Variants in DAW1 observed in about 807,000 individuals in gnomAD.
The protein encoded by DAW1 is dynein assembly factor with WD repeats 1, also known as dynein assembly factor with WD repeat domains 1.
In DAW1, 47 loss-of-function variants were observed where a neutral mutation model predicts 56.5. The ratio of observed to expected loss-of-function variants is 0.83; its 90% CI spans 0.66 to 1.06. The LOEUF is 1.06. DAW1 is among the 50% of genes least tolerant of loss of function. The pLI is 0.00. For synonymous variants in DAW1, 190 were observed against 179.0 expected, an observed-to-expected ratio of 1.06 and a Z score of -0.49; for missense variants, 505 against 499.3, an observed-to-expected ratio of 1.01 and a Z score of -0.11.
At chr2:227,905,895 C>G (rs1691666611) in intron 8 of DAW1, among the ~76,000 whole-genome samples, 1 of 152,108 alleles carries the variant, frequency 6.6e-6, no homozygotes, top group African/African-American at 2.4e-5. Flanking sequence ...GCAGGGACTA[C>G]AGGCGCCCAC....
intron 10 of DAW1, among the ~76,000 whole-genome samples, chr2:227,911,905 T>C (rs773024325): frequency 2.0e-5 from 3 of 152,192 alleles, no homozygotes; most frequent in Non-Finnish European, 4.4e-5. Context: ...ATCATCTCCC[T>C]GATGACCACA....
chr2:227,880,295 A>G (rs999410153), intron 1 of DAW1, among the ~76,000 whole-genome samples: 2 of 151,184 alleles, frequency 1.3e-5, no homozygotes, highest in Admixed American at 6.6e-5. Context: ...TTTTTATAGC[A>G]TGTGGCATAC....
At chr2:227,921,680 C>A in intron 12 of DAW1, 119 bp downstream of exon 12, 1 of 1,069,736 alleles carries the variant, frequency 9.3e-7, no homozygotes, top group Non-Finnish European at 1.3e-6. Flanking sequence ...GTCACTAGCT[C>A]ATCTTGGCCT....
chr2:227,884,413 G>C (rs1476106233), intron 1 of DAW1, among the ~76,000 whole-genome samples: 3 of 152,052 alleles, frequency 2.0e-5, no homozygotes, highest in Non-Finnish European at 4.4e-5. Flanking sequence ...GATTATTACG[G>C]GGATCCTTGA....
intron 1 of DAW1, among the ~76,000 whole-genome samples, chr2:227,875,141 T>G (rs568751198): frequency 1.3e-5 from 2 of 152,306 alleles, no homozygotes; most frequent in East Asian, 3.9e-4. Flanking sequence ...CACTTACTCA[T>G]GCCAAACATT....
At chr2:227,893,186 C>A (rs112376240) in intron 4 of DAW1, among the ~76,000 whole-genome samples, 19,227 of 148,666 alleles carry the variant, frequency 0.13, 2,009 homozygotes, top group African/African-American at 0.29. Flanking sequence ...AGGATAATCG[C>A]TTGAACCCCG....
rs140536617 is a variant in DAW1 at position 227,911,807 on chromosome 2, G to A, written c.973+4555G>A. On this transcript the variant is annotated intron_variant, in intron 10 of 12. Transcript: ENST00000309931. ...ACTACCACATATGATGCTGTATAAC[G>A]TATGTGTTATATCCCTGATATCCAC... Among the ~76,000 whole-genome samples the A allele has an allele frequency of 2.7e-3, 412 of 152,132 alleles. 2 individuals carry two copies. The highest frequency in any genetic ancestry group is 9.3e-3 in the African/African-American group (384 of 41,486).
At chr2:227,887,005 C>A (rs1442985191) in intron 2 of DAW1, among the ~76,000 whole-genome samples, 1 of 152,148 alleles carries the variant, frequency 6.6e-6, no homozygotes, top group African/African-American at 2.4e-5. Flanking sequence ...TATAATGAGT[C>A]CACTTGACAC....
chr2:227,907,387 C>A (rs1691711423), intron 10 of DAW1, 135 bp downstream of exon 10: 1 of 655,450 alleles, frequency 1.5e-6, no homozygotes, highest in South Asian at 2.1e-5. Flanking sequence ...TCTATCGTGA[C>A]CATGTATGGC....
At chr2:227,903,556 G>T (rs537479441) in intron 7 of DAW1, among the ~76,000 whole-genome samples, 2 of 152,256 alleles carry the variant, frequency 1.3e-5, no homozygotes, top group East Asian at 3.9e-4. Flanking sequence ...AGGCCAAAGG[G>T]CTCTGCCCAC....
chr2:227,874,229 T>TA (rs55907051), intron 1 of DAW1, among the ~76,000 whole-genome samples: 1 of 152,104 alleles, frequency 6.6e-6, no homozygotes. Flanking sequence ...TATACAATAA[T>TA]AAAAAAACTT....
intron 1 of DAW1, among the ~76,000 whole-genome samples, chr2:227,882,192 T>G (rs1331868664): frequency 6.6e-6 from 1 of 152,232 alleles, no homozygotes; most frequent in Non-Finnish European, 1.5e-5. Flanking sequence ...GCAGTGATTC[T>G]CAAACTGTAG....
chr2:227,897,657 C>T (rs1035900055), intron 5 of DAW1, among the ~76,000 whole-genome samples: 6 of 152,170 alleles, frequency 3.9e-5, no homozygotes, highest in Admixed American at 2.6e-4. Flanking sequence ...TGACTGAAGT[C>T]TTTGTATTTC....
intron 4 of DAW1, among the ~76,000 whole-genome samples, chr2:227,893,265 G>T (rs1296811264): frequency 1.4e-5 from 2 of 138,512 alleles, no homozygotes; most frequent in Non-Finnish European, 3.1e-5. Flanking sequence ...GCAAGACTCT[G>T]TCTCGGGGGT....
chr2:227,920,885 G>T (rs577000052), intron 11 of DAW1, among the ~76,000 whole-genome samples: 1 of 152,142 alleles, frequency 6.6e-6, no homozygotes, highest in South Asian at 2.1e-4. Flanking sequence ...TCGCCATGTT[G>T]GCCAGGCGGT....
At chr2:227,883,355 T>C (rs949775274) in intron 1 of DAW1, among the ~76,000 whole-genome samples, 11 of 152,202 alleles carry the variant, frequency 7.2e-5, no homozygotes, top group African/African-American at 2.7e-4. Flanking sequence ...TGTGATGAAA[T>C]ATGTCAACAG....
At position 227,891,267 on chromosome 2, in the gene DAW1, C is replaced by T; in HGVS notation, c.271C>T (p.His91Tyr). 1 of 1,613,172 alleles carries T rather than the reference C, an allele frequency of 6.2e-7. No individual in the cohort carries two copies. The highest frequency in any genetic ancestry group is 8.5e-7 in the Non-Finnish European group (1 of 1,179,656). Residue 91 changes from histidine to tyrosine, a missense_variant, in exon 4 of 13, where the codon CAT (histidine) becomes TAT (tyrosine). Transcript: ENST00000309931. ...TCTTTCACTGAAGGTTCTCAAAGCA[C>T]ATATATTGCCACTGACTAATGTTGC... Reference protein sequence around the residue: ...TFYLFKVLKAHILPLTNVALN... With the variant: ...TFYLFKVLKAYILPLTNVALN...
intron 10 of DAW1, among the ~76,000 whole-genome samples, chr2:227,915,677 C>T (rs776830289): frequency 1.1e-4 from 17 of 152,046 alleles, no homozygotes; most frequent in Non-Finnish European, 1.5e-4. Flanking sequence ...CTGTTTTGGT[C>T]TTCTTAATAA....
At chr2:227,877,810 G>A (rs1250907181) in intron 1 of DAW1, among the ~76,000 whole-genome samples, 1 of 152,216 alleles carries the variant, frequency 6.6e-6, no homozygotes, top group Non-Finnish European at 1.5e-5. Flanking sequence ...TCACTTGCCC[G>A]CCACTCACCT....
Sources: allele counts gnomAD v4.1 joint callset (sites outside exome capture counted in the v4.1 genomes callset), GRCh38; gene constraint gnomAD v4.1.1; transcripts MANE v1.5; gene names NCBI Gene and HGNC (gene_info 2026-07-23, HGNC 2026-07-21).